HIRA: variants seen among roughly 807,000 people sequenced by gnomAD.
HIRA encodes histone cell cycle regulator.
In HIRA, 13 loss-of-function variants were observed where a neutral mutation model predicts 126.6. The ratio of observed to expected loss-of-function variants is 0.10; its 90% CI spans 0.07 to 0.16. The LOEUF (loss-of-function observed/expected upper bound fraction) is 0.16, where lower values mean the gene tolerates loss of function less well. HIRA is among the 10% of genes least tolerant of loss of function. The pLI, the probability that HIRA is intolerant of heterozygous loss-of-function variation, is 1.00. For synonymous variants in HIRA, 511 were observed against 520.0 expected, an observed-to-expected ratio of 0.98 and a Z score of 0.24; for missense variants, 834 against 1,314.4, an observed-to-expected ratio of 0.63 and a Z score of 5.65.
rs1280483834 is a variant in HIRA, at chr22:19,379,024, TTTTC to T, written c.1416-962_1416-959del. 1.0e-4 allele frequency among the ~76,000 whole-genome samples: 15 copies of T among 143,710 alleles called. No individual in the cohort carries two copies. In the South Asian group the frequency reaches 3.1e-3, roughly 29 times the overall value. 94.3% of individuals were successfully genotyped at this position (143,710 alleles called of 152,430 possible). The stretch of plus-strand genomic sequence containing the variant: ...TTTTGATATGAGTGACGTTGACATT[TTTTC>T]TTTTTCTTTTTTTTTTTTGAGACAG... On this transcript the variant is annotated intron_variant, in intron 13 of 24. Coordinates refer to ENST00000263208, the MANE Select transcript of HIRA (RefSeq NM_003325.4).
In HIRA at chr22:19,394,324, A is replaced by C. The variant is rs1382337140; in HGVS notation, c.822+18T>G. On this transcript the variant is annotated intron_variant, in intron 8 of 24. Coordinates refer to ENST00000263208, the MANE Select transcript of HIRA (RefSeq NM_003325.4). Reference sequence around the variant, plus strand: ...TGAATCTTGGAGCCCATCTCCCTTTAGTTCCCTGGGCACTCACCACGACAG... The same window carrying C: ...TGAATCTTGGAGCCCATCTCCCTTTCGTTCCCTGGGCACTCACCACGACAG... 6.2e-7 allele frequency: 1 copy of C among 1,612,750 alleles called. No individual in the cohort carries two copies. The highest frequency in any genetic ancestry group is 8.5e-7 in the Non-Finnish European group (1 of 1,178,946).
Position 19,361,283 on chromosome 22 carries a change from G to C in HIRA, c.2039C>G (p.Ala680Gly). The change falls in exon 17 of 25, where the codon GCA becomes GGA. Residue 680 changes from alanine to glycine, a missense_variant. Transcript: ENST00000263208. ...GGGGCTTGGAATTGGCAGCTTCAGT[G>C]CAAGTGCTGGTGCAGACAGACACAT... ...EAMCLSAPAL[A>G]LKLPIPSPQR... is the part of the protein sequence containing the mutation. 1 of 1,614,244 alleles carries C rather than the reference G, an allele frequency of 6.2e-7. No individual in the cohort carries two copies. The highest frequency in any genetic ancestry group is 8.5e-7 in the Non-Finnish European group (1 of 1,180,034).
At chr22:19,393,663 A>AT (rs1291931291) in intron 8 of HIRA, among the ~76,000 whole-genome samples, 1 of 152,056 alleles carries the variant, frequency 6.6e-6, no homozygotes, top group East Asian at 1.9e-4. Flanking sequence ...GCCGATACTT[A>AT]TTATCTATTT....
intron 15 of HIRA, among the ~76,000 whole-genome samples, chr22:19,373,569 G>A (rs2088987768): frequency 6.6e-6 from 1 of 152,144 alleles, no homozygotes; most frequent in South Asian, 2.1e-4. Flanking sequence ...CCAGGATTTC[G>A]TTTGTGTTCA....
rs183195118 is a variant in HIRA, at chr22:19,422,005, C to G, written c.37+9435G>C. On this transcript the variant is annotated intron_variant, in intron 1 of 24. Transcript: ENST00000263208. ...CTTATCTCATACCCCATATTTGACC[C>G]TACCTTCCCAACATACCCATAACCC... 8.4e-3 allele frequency among the ~76,000 whole-genome samples: 1,278 copies of G among 152,030 alleles called. 7 individuals are homozygous for G. The highest frequency in any genetic ancestry group is 0.015 in the South Asian group (74 of 4,816).
intron 15 of HIRA, among the ~76,000 whole-genome samples, chr22:19,364,687 G>T (rs1344774142): frequency 1.3e-5 from 2 of 152,120 alleles, no homozygotes; most frequent in Non-Finnish European, 2.9e-5. Context: ...TCCACCAACT[G>T]GTTGTTCTCC....
chr22:19,370,915 C>T (rs539375729), intron 15 of HIRA, among the ~76,000 whole-genome samples: 2 of 152,262 alleles, frequency 1.3e-5, no homozygotes, highest in African/African-American at 4.8e-5. Flanking sequence ...GTGGACATAG[C>T]TGCTGAGGAA....
At chr22:19,419,608 G>A (rs1334362454) in intron 1 of HIRA, among the ~76,000 whole-genome samples, 1 of 152,150 alleles carries the variant, frequency 6.6e-6, no homozygotes, top group East Asian at 1.9e-4. Context: ...CTGCCCACTA[G>A]AATGTAAACT....
chr22:19,423,913 GAA>G (rs2089468889), intron 1 of HIRA, among the ~76,000 whole-genome samples: 1 of 152,220 alleles, frequency 6.6e-6, no homozygotes, highest in African/African-American at 2.4e-5. Context: ...GGCTTGGGCA[GAA>G]TGTTTCCCCT....
chr22:19,339,407 G>A (rs77753292), intron 24 of HIRA, among the ~76,000 whole-genome samples: 1 of 152,178 alleles, frequency 6.6e-6, no homozygotes, highest in African/African-American at 2.4e-5. Flanking sequence ...GGCCAAGGCA[G>A]GAGGATCACT....
chr22:19,372,075 T>C (rs2088971402), intron 15 of HIRA, among the ~76,000 whole-genome samples: 1 of 152,216 alleles, frequency 6.6e-6, no homozygotes. Flanking sequence ...GACTTTACAT[T>C]CCTACCAGCA....
chr22:19,413,004 G>T (rs1217278363), intron 1 of HIRA, among the ~76,000 whole-genome samples: 1 of 152,170 alleles, frequency 6.6e-6, no homozygotes, highest in Non-Finnish European at 1.5e-5. Flanking sequence ...CAAGGGTTGA[G>T]TAAGAGTTAG....
At chr22:19,347,000 C>T (rs550776248) in intron 24 of HIRA, among the ~76,000 whole-genome samples, 11 of 152,246 alleles carry the variant, frequency 7.2e-5, no homozygotes, top group Admixed American at 3.3e-4. Flanking sequence ...ACCACCACGG[C>T]CCAGAGTGCT....
Position 19,356,259 on chromosome 22 carries a change from T to C in HIRA, c.2426A>G (p.Lys809Arg). ...WDVHRQVVVV[K>R]EESLHSILAG... ...CAGGATGGAGTGTAGAGACTCTTCT[T>C]TCACCACAACCACCTGTCTGTGAAC... Residue 809 changes from lysine to arginine, a missense_variant, in exon 20 of 25, where the codon AAA (lysine) becomes AGA (arginine). Physicochemically the swap from Lys to Arg is conservative, Grantham distance 26 (BLOSUM62 2). Around this residue, in one of 5 missense-constraint regions of HIRA, gnomAD observed 468 missense variants for 574.2 expected, o/e 0.82. Transcript: ENST00000263208. 1 of 1,614,092 alleles carries C rather than the reference T, an allele frequency of 6.2e-7. No homozygotes were observed. The highest frequency in any genetic ancestry group is 8.5e-7 in the Non-Finnish European group (1 of 1,179,976).
At chr22:19,367,778 T>G (rs554813831) in intron 15 of HIRA, among the ~76,000 whole-genome samples, 1 of 152,202 alleles carries the variant, frequency 6.6e-6, no homozygotes, top group African/African-American at 2.4e-5. Context: ...ATGTAGCAAA[T>G]TCAGTTTTTG....
intron 1 of HIRA, among the ~76,000 whole-genome samples, chr22:19,423,287 C>T (rs1052981128): frequency 1.3e-5 from 2 of 152,016 alleles, no homozygotes; most frequent in Admixed American, 6.6e-5. Context: ...TTTGTGATTC[C>T]GCTATGTGTC....
intron 15 of HIRA, 126 bp from the exon 16 acceptor site, chr22:19,362,057 T>C (rs956005927): frequency 1.2e-6 from 1 of 843,274 alleles, no homozygotes; most frequent in African/African-American, 1.7e-5. Flanking sequence ...AGTGAAATTA[T>C]GCCTCAAAAG....
intron 1 of HIRA, among the ~76,000 whole-genome samples, chr22:19,416,452 T>A (rs916537231): frequency 6.6e-5 from 10 of 151,964 alleles, no homozygotes; most frequent in Admixed American, 1.3e-4. Context: ...GTCTCCTGAG[T>A]AGTTGGGGAC....
At chr22:19,429,285 G>A (rs1489753461) in intron 1 of HIRA, among the ~76,000 whole-genome samples, 1 of 151,638 alleles carries the variant, frequency 6.6e-6, no homozygotes, top group South Asian at 2.1e-4. Context: ...CTACAGGTGC[G>A]TACCACCACG....
Sources: gnomAD v4.1 joint callset for allele counts (sites outside exome capture counted in the v4.1 genomes callset) on GRCh38, gnomAD v4.1.1 for gene constraint, gnomAD v4.1.1 regional missense constraint, MANE v1.5 for transcripts, NCBI Gene and HGNC (gene_info 2026-07-23, HGNC 2026-07-21) for gene names.